NUP58: variants seen among roughly 807,000 people sequenced by gnomAD.
NUP58 encodes nucleoporin p58/p45.
NUP58 carries 17 observed loss-of-function variants against 70.1 expected under a neutral mutation model. The observed-to-expected ratio is 0.24, with a 90% CI of 0.17 to 0.36. NUP58 has a LOEUF of 0.36. NUP58 is among the 10% of genes least tolerant of loss of function. The pLI, the probability that NUP58 is intolerant of heterozygous loss-of-function variation, is 1.00. For missense variants in NUP58, 644 were observed against 701.5 expected, an observed-to-expected ratio of 0.92 and a Z score of 0.93; for synonymous variants, 275 against 257.6, an observed-to-expected ratio of 1.07 and a Z score of -0.65.
intron 12 of NUP58, 88 bp downstream of exon 12, chr13:25,327,600 G>A (rs2031446197): frequency 2.8e-6 from 2 of 713,458 alleles, no homozygotes; most frequent in Non-Finnish European, 4.6e-6. Flanking sequence ...GCTTGATACA[G>A]AAATAGCTAA....
chr13:25,346,719 T>TAA (rs897278773), downstream of NUP58, among the ~76,000 whole-genome samples: 3 of 128,862 alleles, frequency 2.3e-5, no homozygotes, highest in African/African-American at 8.5e-5. Flanking sequence ...AAACTCCATC[T>TAA]AAAAAAAAAA....
chr13:25,322,294 A>G (rs2031219798), intron 9 of NUP58, among the ~76,000 whole-genome samples: 2 of 152,236 alleles, frequency 1.3e-5, no homozygotes, highest in Admixed American at 1.3e-4. Context: ...CTATTGGAGA[A>G]TATCTTGTAA....
At chr13:25,302,006 C>T in intron 1 of NUP58, 126 bp downstream of exon 1, 1 of 653,242 alleles carries the variant, frequency 1.5e-6, no homozygotes, top group South Asian at 2.0e-5. Context: ...GAGAGAAGCA[C>T]TTAATCTAGC....
chr13:25,337,172 A>G (rs961950297), intron 14 of NUP58, 138 bp downstream of exon 14: 4 of 479,334 alleles, frequency 8.3e-6, no homozygotes, highest in Non-Finnish European at 1.5e-5. Flanking sequence ...ATTCTCAAAC[A>G]TAATTATTGC....
intron 7 of NUP58, among the ~76,000 whole-genome samples, chr13:25,320,018 A>G (rs1318385697): frequency 6.6e-6 from 1 of 152,066 alleles, no homozygotes; most frequent in Non-Finnish European, 1.5e-5. Flanking sequence ...AATATTTATT[A>G]TTCCTGTAAG....
chr13:25,334,405 G>A, intron 13 of NUP58: 4 of 985,350 alleles, frequency 4.1e-6, no homozygotes, highest in Non-Finnish European at 4.8e-6. Context: ...TTTAAGGAGA[G>A]CCAAGACGTT....
downstream of NUP58, among the ~76,000 whole-genome samples, chr13:25,345,538 G>A (rs183631368): frequency 2.6e-3 from 395 of 150,824 alleles, 1 homozygote; most frequent in African/African-American, 8.7e-3. Flanking sequence ...CTATGAAGAG[G>A]TTTATGGAGA....
chr13:25,348,557 C>A (rs574021048), intron 3 of NUP58, among the ~76,000 whole-genome samples: 1 of 152,200 alleles, frequency 6.6e-6, no homozygotes, highest in Non-Finnish European at 1.5e-5. Context: ...ATTACAGGCA[C>A]ACACCATCAC....
intron 10 of NUP58, among the ~76,000 whole-genome samples, chr13:25,326,162 G>A (rs982976066): frequency 7.2e-5 from 11 of 152,066 alleles, no homozygotes; most frequent in African/African-American, 2.7e-4. Flanking sequence ...CATGATATTC[G>A]TCTTACTCAG....
intron 13 of NUP58, chr13:25,332,336 C>T (rs1458648608): frequency 2.0e-6 from 2 of 985,318 alleles, no homozygotes; most frequent in Non-Finnish European, 2.4e-6. Flanking sequence ...TTTATTTGGT[C>T]CTGTGTCTTT....
intron 1 of NUP58, among the ~76,000 whole-genome samples, chr13:25,305,161 T>A (rs2030281156): frequency 4.4e-5 from 6 of 136,450 alleles, no homozygotes; most frequent in South Asian, 2.3e-4. Context: ...TTTTTTTTTT[T>A]GAGACAGGGC....
intron 12 of NUP58, among the ~76,000 whole-genome samples, chr13:25,327,722 A>G (rs536288935): frequency 6.6e-4 from 100 of 152,328 alleles, no homozygotes; most frequent in African/African-American, 2.0e-3. Flanking sequence ...GTAGTCTGTT[A>G]TTATAACTTT....
At position 25,324,953 on chromosome 13, in the gene NUP58, C is replaced by CTTT. The variant is rs59746219; in HGVS notation, c.952-22_952-20dup. The CTTT allele has an allele frequency of 1.2e-3, 1,299 of 1,117,402 alleles. 7 individuals carry two copies. The African/African-American group carries it at 0.014, about 12-fold the overall frequency. 69.2% of individuals were successfully genotyped at this position (1,117,402 alleles called of 1,614,324 possible). A position where few individuals can be genotyped will look rare whatever the true frequency, so the allele number is the denominator to read the frequency against. ...TATTTTTAACATAACTCTTAACTGG[C>CTTT]TTTTTTTTTTTTTTTTAAATCCTCT... On this transcript the variant is annotated intron_variant, in intron 9 of 15. Coordinates refer to ENST00000381736, the MANE Select transcript of NUP58 (RefSeq NM_014089.4).
At chr13:25,305,134 T>TTTTG in intron 1 of NUP58, among the ~76,000 whole-genome samples, 1 of 8,260 alleles carries the variant, frequency 1.2e-4, no homozygotes, top group East Asian at 3.5e-3. Context: ...TGTGGGGTTT[T>TTTTG]TTTTTTTTTT....
At chr13:25,322,301 G>A (rs1322992611) in intron 9 of NUP58, among the ~76,000 whole-genome samples, 2 of 152,172 alleles carry the variant, frequency 1.3e-5, no homozygotes, top group African/African-American at 2.4e-5. Flanking sequence ...AGAATATCTT[G>A]TAATCTTTTT....
chr13:25,316,546 C>T (rs2030939567), intron 6 of NUP58, among the ~76,000 whole-genome samples: 4 of 152,038 alleles, frequency 2.6e-5, no homozygotes, highest in Admixed American at 2.6e-4. Context: ...TAAACTTTTA[C>T]AAAGTTTAGA....
Position 25,313,028 on chromosome 13 carries a change from A to C in NUP58, c.432A>C (p.Pro144=), listed in dbSNP as rs2030753203. 1.7e-5 allele frequency: 27 copies of C among 1,612,444 alleles called. No homozygotes were observed. Among genetic ancestry groups the C allele is most frequent in the Non-Finnish European group, 2.2e-5 (26 of 1,179,576 alleles). Residue 144 remains proline (P), a synonymous_variant, in exon 4 of 16, where the codon CCA becomes CCC. Transcript: ENST00000381736. ...TTTCGTCTGCTCTGACATCAACTCC[A>C]GCAGGTGAGGCAGAATGAAAAACCG... ...LTLSSALTST[P]AASTGFTLNN... is the part of the protein sequence containing the mutation.
At chr13:25,321,466 C>T (rs958321010) in intron 9 of NUP58, among the ~76,000 whole-genome samples, 2 of 152,132 alleles carry the variant, frequency 1.3e-5, no homozygotes, top group African/African-American at 4.8e-5. Flanking sequence ...AACTAGGTTT[C>T]GTAAGTGTGG....
intron 1 of NUP58, among the ~76,000 whole-genome samples, chr13:25,307,556 G>C (rs1430089365): frequency 6.6e-6 from 1 of 152,058 alleles, no homozygotes; most frequent in Non-Finnish European, 1.5e-5. Flanking sequence ...TTTACATGTG[G>C]ATTTATTTTT....
Sources: gnomAD v4.1 joint callset for allele counts (sites outside exome capture counted in the v4.1 genomes callset) on GRCh38, gnomAD v4.1.1 for gene constraint, MANE v1.5 for transcripts, NCBI Gene and HGNC (gene_info 2026-07-23, HGNC 2026-07-21) for gene names.